Variants in AZU1 observed in about 807,000 individuals in gnomAD.
The protein encoded by AZU1 is azurocidin.
Under a neutral mutation model 17.8 loss-of-function variants are expected in AZU1, and 21 were observed. The ratio of observed to expected loss-of-function variants is 1.18; its 90% CI spans 0.84 to 1.70. The LOEUF (loss-of-function observed/expected upper bound fraction) is 1.70. AZU1 is among the 40% of genes most tolerant of loss of function. The pLI is 0.00. For missense variants in AZU1, 379 were observed against 362.9 expected (o/e 1.04, Z -0.36); for synonymous variants, 178 against 155.2 (o/e 1.15, Z -1.09).
At chr19:829,516 C>T in intron 2 of AZU1, 46 bp from the exon 3 acceptor site, 2 of 1,600,868 alleles carry the variant, frequency 1.2e-6, no homozygotes, top group Non-Finnish European at 1.7e-6. Context: ...TGTGCCCAGG[C>T]CCCAGCCTGG....
At chr19:830,594 A>T (rs1360658962) in intron 3 of AZU1, 114 bp from the exon 4 acceptor site, 2 of 968,622 alleles carry the variant, frequency 2.1e-6, no homozygotes, top group Non-Finnish European at 2.9e-6. Context: ...CCGGGAATTA[A>T]ACGCAAACCA....
chr19:831,520 C>T (rs2035287585), intron 4 of AZU1, 196 bp from the exon 5 acceptor site: 1 of 615,300 alleles, frequency 1.6e-6, no homozygotes, highest in Non-Finnish European at 2.7e-6. Flanking sequence ...CCTGGAGGTG[C>T]CAGGAAGCTC....
At chr19:829,936 ATGTG>A (rs59995493) in intron 3 of AZU1, among the ~76,000 whole-genome samples, 22,547 of 137,556 alleles carry the variant, frequency 0.16, 1,748 homozygotes, top group East Asian at 0.32. Context: ...AAAAATATAT[ATGTG>A]TGTGTGTGTG....
intron 4 of AZU1, chr19:831,452 G>C: frequency 2.0e-6 from 1 of 492,324 alleles, no homozygotes; most frequent in Non-Finnish European, 3.6e-6. Context: ...AGGCATGGTA[G>C]AGCCGGTCAC....
chr19:830,644 CA>C (rs1326438194), intron 3 of AZU1, 63 bp from the exon 4 acceptor site: 1 of 1,375,790 alleles, frequency 7.3e-7, no homozygotes, highest in African/African-American at 1.5e-5. Flanking sequence ...CTTCTGCTCC[CA>C]GGGGTCCCCA....
chr19:829,860 G>A (rs534572777), intron 3 of AZU1, among the ~76,000 whole-genome samples, 154 bp downstream of exon 3: 2 of 152,202 alleles, frequency 1.3e-5, no homozygotes, highest in African/African-American at 4.8e-5. Flanking sequence ...AGGCCGAGGC[G>A]GAAGGACGGC....
chr19:828,030 G>A, intron 1 of AZU1, 126 bp downstream of exon 1: 4 of 1,423,504 alleles, frequency 2.8e-6, no homozygotes, highest in Non-Finnish European at 3.8e-6. Flanking sequence ...GCCCGGCCTG[G>A]ACGATCCCGC....
intron 2 of AZU1, among the ~76,000 whole-genome samples, chr19:829,001 G>T (rs1385034706): frequency 1.8e-4 from 17 of 93,112 alleles, no homozygotes; most frequent in Admixed American, 4.4e-4. Context: ...GAGGCCCAGG[G>T]AAGGGAAGGG....
chr19:827,838 T>A lies in AZU1; in HGVS notation c.-9T>A, dbSNP rs1344615144. ...GCAGCCGCCGCCTTAGCCACAGACCTGCCCCGCCATGACCCGGCTGACAGT... is the reference window on the plus strand; with the variant it reads ...GCAGCCGCCGCCTTAGCCACAGACCAGCCCCGCCATGACCCGGCTGACAGT... On this transcript the variant is annotated 5_prime_UTR_variant, in exon 1 of 5. Transcript: ENST00000233997. 1 of 1,535,106 alleles carries A rather than the reference T, an allele frequency of 6.5e-7. No individual in the cohort carries two copies. Among genetic ancestry groups the A allele is most frequent in the Non-Finnish European group, 8.7e-7 (1 of 1,146,550 alleles).
At chr19:831,063 G>A (rs987583914) in intron 4 of AZU1, 122 bp downstream of exon 4, 6 of 832,274 alleles carry the variant, frequency 7.2e-6, no homozygotes, top group Admixed American at 2.7e-5. Context: ...GCATTTTCAC[G>A]GTAGGAGAAA....
intron 2 of AZU1, among the ~76,000 whole-genome samples, chr19:829,219 G>GA (rs2035254609): frequency 8.0e-6 from 1 of 125,294 alleles, no homozygotes. Flanking sequence ...GGGTCAGATG[G>GA]GGGAGGCCCA....
chr19:830,878 G>A lies in AZU1; in HGVS notation c.531G>A (p.Glu177=). Reference sequence around the variant, plus strand: ...TTGTCAACGTGACTGTGACCCCCGAGGACCAGTGTCGCCCCAACAACGTGT... The same window carrying A: ...TTGTCAACGTGACTGTGACCCCCGAAGACCAGTGTCGCCCCAACAACGTGT... The part of the protein sequence containing the change: ...PRFVNVTVTP[E]DQCRPNNVCT... Residue 177 remains glutamate (E), a synonymous_variant, in exon 4 of 5, where the codon GAG becomes GAA. Transcript: ENST00000233997. 1 of 1,606,764 alleles carries A rather than the reference G, an allele frequency of 6.2e-7. No individual in the cohort carries two copies.
Position 829,617 on chromosome 19 carries a change from A to G in AZU1, c.271A>G (p.Arg91Gly). The G allele has an allele frequency of 2.5e-6, 4 of 1,613,190 alleles. No individual in the cohort carries two copies. Among genetic ancestry groups the G allele is most frequent in the Non-Finnish European group, 3.4e-6 (4 of 1,179,922 alleles). ...LGAYDLRRRE[R>G]QSRQTFSISS... ...TGCCTATGACCTGAGGCGGCGGGAGAGGCAGTCCCGCCAGACGTTTTCCAT... is the reference window on the plus strand; with the variant it reads ...TGCCTATGACCTGAGGCGGCGGGAGGGGCAGTCCCGCCAGACGTTTTCCAT... Residue 91 changes from arginine to glycine, a missense_variant, in exon 3 of 5, where the codon AGG (arginine) becomes GGG (glycine). Coordinates refer to ENST00000233997, the MANE Select transcript of AZU1 (RefSeq NM_001700.5).
chr19:830,952 C>T lies in AZU1; in HGVS notation c.594+11C>T, dbSNP rs568736368. On this transcript the variant is annotated intron_variant, in intron 4 of 4. Transcript: ENST00000233997. ...GGTGGCATCTGCAATGTGAGTGCTC[C>T]CTGTGGCGGGAGGAGGGGTCCTGAG... 17 of 1,598,030 alleles carry T rather than the reference C, an allele frequency of 1.1e-5. No homozygotes were observed. Among genetic ancestry groups the T allele is most frequent in the Non-Finnish European group, 1.4e-5 (16 of 1,178,612 alleles).
At chr19:829,271 G>A (rs113797809) in intron 2 of AZU1, among the ~76,000 whole-genome samples, 437 of 111,780 alleles carry the variant, frequency 3.9e-3, no homozygotes, top group African/African-American at 6.9e-3. Context: ...CAGAGAAGGG[G>A]AGGGGGTCAG....
In AZU1 at chr19:830,827, G is replaced by A. The variant is rs1209910907; in HGVS notation, c.480G>A (p.Gly160=). Reference sequence around the variant, plus strand: ...CCGGCTGGGGGAGCCAGCGCAGTGGGGGGCGTCTCTCCCGTTTTCCCAGGT... The same window carrying A: ...CCGGCTGGGGGAGCCAGCGCAGTGGAGGGCGTCTCTCCCGTTTTCCCAGGT... ...QVAGWGSQRS[G]GRLSRFPRFV... is the part of the protein sequence containing the mutation. Residue 160 remains glycine (G), a synonymous_variant, in exon 4 of 5, where the codon GGG becomes GGA. Coordinates refer to ENST00000233997, the MANE Select transcript of AZU1 (RefSeq NM_001700.5). The A allele has an allele frequency of 6.8e-6, 11 of 1,607,804 alleles. No individual in the cohort carries two copies. Among genetic ancestry groups the A allele is most frequent in the Non-Finnish European group, 8.5e-6 (10 of 1,179,976 alleles).
intron 2 of AZU1, among the ~76,000 whole-genome samples, 178 bp downstream of exon 2, chr19:828,564 C>A (rs976534448): frequency 5.4e-5 from 8 of 149,318 alleles, no homozygotes; most frequent in African/African-American, 2.0e-4. Flanking sequence ...GAGGAGGGAC[C>A]CAAGGATATT....
In AZU1 at chr19:831,752, G is replaced by T; in HGVS notation, c.631G>T (p.Ala211Ser). The T allele has an allele frequency of 6.2e-7, 1 of 1,611,988 alleles. No homozygotes were observed. Among genetic ancestry groups the T allele is most frequent in the Admixed American group, 1.7e-5 (1 of 59,916 alleles). ...GGTPLVCEGL[A>S]HGVASFSLGP... ...CACCCCCCTCGTCTGCGAGGGCCTG[G>T]CCCACGGCGTGGCCTCCTTTTCCCT... is the stretch of plus-strand genomic sequence containing the variant. The change falls in exon 5 of 5, where the codon GCC becomes TCC. Residue 211 changes from alanine (A) to serine (S), a missense_variant. Physicochemically the swap from Ala to Ser is moderately conservative, Grantham distance 99. Transcript: ENST00000233997.
intron 2 of AZU1, among the ~76,000 whole-genome samples, chr19:828,814 G>C (rs2035247234): frequency 7.1e-6 from 1 of 141,692 alleles, no homozygotes; most frequent in Non-Finnish European, 1.5e-5. Context: ...AAGGGAAGGG[G>C]CTCAGATGGA....
Sources: allele counts gnomAD v4.1 joint callset (sites outside exome capture counted in the v4.1 genomes callset), GRCh38; gene constraint gnomAD v4.1.1; transcripts MANE v1.5; gene names NCBI Gene and HGNC (gene_info 2026-07-23, HGNC 2026-07-21).